Variants in CNKSR2 observed in about 807,000 individuals in gnomAD.
CNKSR2 encodes the protein connector enhancer of kinase suppressor of Ras 2, also known as CNK homolog protein 2.
Under a neutral mutation model 84.4 loss-of-function variants are expected in CNKSR2, and 14 were observed. That is an observed-to-expected ratio of 0.17 (90% CI 0.11 to 0.26). The LOEUF (loss-of-function observed/expected upper bound fraction) is 0.26, where lower values mean the gene tolerates loss of function less well. CNKSR2 is among the 10% of genes least tolerant of loss of function. The pLI is 1.00. For synonymous variants in CNKSR2, 275 were observed against 277.9 expected, an observed-to-expected ratio of 0.99 and a Z score of 0.10; for missense variants, 485 against 771.2, an observed-to-expected ratio of 0.63 and a Z score of 4.40.
chrX:21,596,374 G>A (rs925105773), intron 17 of CNKSR2, among the ~76,000 whole-genome samples: 2 of 111,692 alleles, frequency 1.8e-5, no homozygotes, highest in Non-Finnish European at 3.8e-5. Flanking sequence ...GTGAAAATAA[G>A]ACTGACCCCT....
At chrX:21,484,601 T>C (rs2091360193) in intron 5 of CNKSR2, among the ~76,000 whole-genome samples, 1 of 111,649 alleles carries the variant, frequency 9.0e-6, no homozygotes, top group Non-Finnish European at 1.9e-5. Context: ...ACCCAAAAAG[T>C]ATAAATTTCT....
intron 10 of CNKSR2, among the ~76,000 whole-genome samples, chrX:21,530,082 T>G (rs1207449751): frequency 9.0e-6 from 1 of 111,065 alleles, no homozygotes; most frequent in Non-Finnish European, 1.9e-5. Context: ...TCTCAATTTC[T>G]TTTTGATAGT....
intron 20 of CNKSR2, among the ~76,000 whole-genome samples, chrX:21,616,582 T>A (rs1569276875): frequency 8.9e-6 from 1 of 112,135 alleles, no homozygotes; most frequent in Non-Finnish European, 1.9e-5. Context: ...ATAACTAGAA[T>A]TACTGCTCCT....
chrX:21,528,249 A>G (rs2091853600), intron 10 of CNKSR2, among the ~76,000 whole-genome samples: 1 of 111,230 alleles, frequency 9.0e-6, no homozygotes, highest in Non-Finnish European at 1.9e-5. Flanking sequence ...GATTTTCCAC[A>G]TATGCTTGCA....
At chrX:21,455,914 A>G (rs1177983517) in intron 4 of CNKSR2, among the ~76,000 whole-genome samples, 1 of 111,371 alleles carries the variant, frequency 9.0e-6, no homozygotes, top group Non-Finnish European at 1.9e-5. Context: ...TTTTATCTGG[A>G]TAACTCCTGT....
intron 9 of CNKSR2, among the ~76,000 whole-genome samples, chrX:21,519,740 C>A (rs1034085393): frequency 9.0e-6 from 1 of 110,937 alleles, no homozygotes; most frequent in Non-Finnish European, 1.9e-5. Flanking sequence ...GTCTATTTAA[C>A]CTTTTTGAAA....
chrX:21,645,245 T>C (rs1026943376), intron 20 of CNKSR2: 1 of 111,829 alleles, frequency 8.9e-6, no homozygotes, highest in African/African-American at 3.2e-5. Context: ...ACAAGTTAAT[T>C]CATCAATAAC....
chrX:21,374,757 C>G lies in CNKSR2; in HGVS notation c.-141C>G. ...TAAAAGACGTTACAGCCGCGAGACCCGACACACAAAAGCCGCTTTCTCCGC... is the reference window on the plus strand; with the variant it reads ...TAAAAGACGTTACAGCCGCGAGACCGGACACACAAAAGCCGCTTTCTCCGC... On this transcript the variant is annotated 5_prime_UTR_variant, in exon 1 of 22. Transcript: ENST00000379510. The G allele has an allele frequency of 1.8e-6, 1 of 542,171 alleles. No homozygotes were observed. 44.7% of individuals were successfully genotyped at this position (542,171 alleles called of 1,213,427 possible). A position where few individuals can be genotyped will look rare whatever the true frequency, so the allele number is the denominator to read the frequency against.
chrX:21,567,360 G>A (rs1273928702), intron 13 of CNKSR2, among the ~76,000 whole-genome samples: 2 of 111,953 alleles, frequency 1.8e-5, no homozygotes, highest in African/African-American at 6.5e-5. Flanking sequence ...TAGTACAAAT[G>A]TAGTACCTTA....
At chrX:21,559,627 G>C (rs1382944258) in intron 11 of CNKSR2, among the ~76,000 whole-genome samples, 1 of 111,318 alleles carries the variant, frequency 9.0e-6, no homozygotes, top group East Asian at 2.8e-4. Flanking sequence ...GAATGAGCTG[G>C]ACTACAGTGT....
chrX:21,388,645 T>C (rs910810731), intron 1 of CNKSR2, among the ~76,000 whole-genome samples: 3 of 111,840 alleles, frequency 2.7e-5, no homozygotes, highest in African/African-American at 9.8e-5. Flanking sequence ...AAAATAAATA[T>C]ATTCATGGAT....
chrX:21,475,139 T>C (rs745848300), intron 5 of CNKSR2, among the ~76,000 whole-genome samples: 12 of 111,912 alleles, frequency 1.1e-4, no homozygotes, highest in Non-Finnish European at 2.3e-4. Context: ...ACAGAGTGAC[T>C]ACAGTCAGCA....
chrX:21,464,057 C>T (rs144519731), intron 4 of CNKSR2, among the ~76,000 whole-genome samples: 10 of 111,844 alleles, frequency 8.9e-5, no homozygotes, highest in Non-Finnish European at 1.7e-4. Context: ...GTGGCCTAGA[C>T]GGCTTTTGCA....
chrX:21,469,531 C>A (rs1264948492), intron 4 of CNKSR2, among the ~76,000 whole-genome samples: 1 of 107,807 alleles, frequency 9.3e-6, no homozygotes, highest in South Asian at 4.1e-4. Context: ...ATATTCAGTA[C>A]TGTGGAAATG....
intron 13 of CNKSR2, among the ~76,000 whole-genome samples, chrX:21,579,054 T>G (rs1166332842): frequency 8.9e-6 from 1 of 112,066 alleles, no homozygotes; most frequent in East Asian, 2.8e-4. Context: ...TAGACCTGGC[T>G]GCTGACTCAC....
At chrX:21,501,474 C>G (rs764825194) in intron 7 of CNKSR2, 46 bp from the exon 8 acceptor site, 11 of 807,016 alleles carry the variant, frequency 1.4e-5, no homozygotes, top group Non-Finnish European at 1.8e-5. Flanking sequence ...CAGGAAATGA[C>G]TGATAAAATT....
intron 5 of CNKSR2, among the ~76,000 whole-genome samples, chrX:21,471,310 G>C (rs1417334461): frequency 1.8e-5 from 2 of 111,766 alleles, no homozygotes; most frequent in Non-Finnish European, 3.8e-5. Context: ...ACTAGAAATG[G>C]GCTACGCGTA....
At chrX:21,439,430 A>AAT (rs2090753875) in intron 3 of CNKSR2, among the ~76,000 whole-genome samples, 1 of 110,823 alleles carries the variant, frequency 9.0e-6, no homozygotes. Context: ...ATATATCAGA[A>AAT]ATATATATAG....
intron 1 of CNKSR2, among the ~76,000 whole-genome samples, chrX:21,411,625 C>T (rs1422781304): frequency 9.0e-6 from 1 of 110,750 alleles, no homozygotes; most frequent in Non-Finnish European, 1.9e-5. Flanking sequence ...GGGTCTAATA[C>T]TCTTTCCTCC....
Sources: allele counts gnomAD v4.1 joint callset (sites outside exome capture counted in the v4.1 genomes callset), GRCh38; gene constraint gnomAD v4.1.1; transcripts MANE v1.5; gene names NCBI Gene and HGNC (gene_info 2026-07-23, HGNC 2026-07-21).